Variants in DST observed in about 807,000 individuals in gnomAD.
DST encodes bullous pemphigoid antigen.
Under a neutral mutation model 875.2 loss-of-function variants are expected in DST, and 253 were observed. The ratio of observed to expected loss-of-function variants is 0.29; its 90% CI spans 0.26 to 0.32. The LOEUF (loss-of-function observed/expected upper bound fraction) is 0.32. Among genes scored for constraint, DST ranks in the 10% least tolerant of loss-of-function variants. The pLI, the probability that DST is intolerant of heterozygous loss-of-function variation, is 1.00. For missense variants in DST, 8,287 were observed against 9,111.6 expected, an observed-to-expected ratio of 0.91 and a Z score of 3.68; for synonymous variants, 3,124 against 3,197.1, an observed-to-expected ratio of 0.98 and a Z score of 0.77.
At chr6:56,618,323 T>A (rs1283288203) in intron 36 of DST, 1 of 1,613,982 alleles carries the variant, frequency 6.2e-7, no homozygotes, top group Non-Finnish European at 8.5e-7. Context: ...GGGTGTTGGG[T>A]GAAGGTGTCC....
chr6:56,858,623 A>G (rs1472842306), intron 3 of DST, among the ~76,000 whole-genome samples: 1 of 152,198 alleles, frequency 6.6e-6, no homozygotes, highest in Non-Finnish European at 1.5e-5. Flanking sequence ...TATCTTGACT[A>G]TCATGAATAA....
intron 89 of DST, 87 bp downstream of exon 89, chr6:56,482,596 G>T: frequency 7.5e-7 from 1 of 1,340,302 alleles, no homozygotes; most frequent in Non-Finnish European, 1.0e-6. Context: ...GAGACACGAG[G>T]GCCTCACAAT....
At chr6:56,777,195 T>G (rs565117142) in intron 4 of DST, among the ~76,000 whole-genome samples, 2 of 152,220 alleles carry the variant, frequency 1.3e-5, no homozygotes, top group South Asian at 4.1e-4. Flanking sequence ...CATTTATGTT[T>G]AAGGCAATCC....
rs772119653 is a variant in DST, at chr6:56,606,427, T to C, written c.8201A>G (p.Glu2734Gly). ...GSERECTNIL[E>G]GDESDSLTDY... ...AGTCAATGAGTCAGATTCATCACCTTCAAGGATATTTGTGCATTCCCTTTC... is the reference window on the plus strand; with the variant it reads ...AGTCAATGAGTCAGATTCATCACCTCCAAGGATATTTGTGCATTCCCTTTC... The change falls in exon 40 of 104, where the codon GAA becomes GGA. Residue 2734 changes from glutamate (E) to glycine (G), a missense_variant. This residue lies in a region of DST where 3,138 missense variants were observed against 3,116.6 expected (regional missense o/e 1.01). Transcript: ENST00000680361. 6.2e-7 allele frequency: 1 copy of C among 1,613,438 alleles called. No homozygotes were observed. Among genetic ancestry groups the C allele is most frequent in the Non-Finnish European group, 8.5e-7 (1 of 1,179,580 alleles).
intron 49 of DST, among the ~76,000 whole-genome samples, chr6:56,586,960 A>G (rs1297719952): frequency 6.6e-6 from 1 of 152,206 alleles, no homozygotes; most frequent in African/African-American, 2.4e-5. Context: ...AAAGATGGGG[A>G]AAAAACAGAG....
chr6:56,841,703 G>C (rs2099800234), intron 4 of DST, among the ~76,000 whole-genome samples: 1 of 152,096 alleles, frequency 6.6e-6, no homozygotes, highest in Non-Finnish European at 1.5e-5. Context: ...ATAGAGCACA[G>C]ATGTATTTCT....
intron 50 of DST, among the ~76,000 whole-genome samples, chr6:56,575,215 G>A (rs1362860371): frequency 6.6e-6 from 1 of 152,124 alleles, no homozygotes; most frequent in Non-Finnish European, 1.5e-5. Context: ...AGTTGGGGGA[G>A]AGGGGTGGGA....
intron 6 of DST, 38 bp downstream of exon 6, chr6:56,704,242 C>A (rs746090514): frequency 9.2e-7 from 1 of 1,084,252 alleles, no homozygotes; most frequent in South Asian, 1.5e-5. Context: ...GAAAAGATTA[C>A]ACGTTCTTCA....
chr6:56,875,992 T>C (rs1330452620), intron 3 of DST, among the ~76,000 whole-genome samples: 2 of 152,144 alleles, frequency 1.3e-5, no homozygotes, highest in Non-Finnish European at 2.9e-5. Flanking sequence ...ACTGCTTGCC[T>C]TACCTTAATC....
intron 103 of DST, 74 bp from the exon 104 acceptor site, chr6:56,459,341 C>A: frequency 8.3e-6 from 12 of 1,450,768 alleles, no homozygotes; most frequent in Non-Finnish European, 1.1e-5. Context: ...AACCCGATGC[C>A]ACCTTTAATC....
At chr6:56,677,714 C>T (rs750231476) in intron 9 of DST, among the ~76,000 whole-genome samples, 4 of 152,168 alleles carry the variant, frequency 2.6e-5, no homozygotes, top group Non-Finnish European at 5.9e-5. Flanking sequence ...GAGTTCCTTT[C>T]AGAAACTTGA....
chr6:56,634,662 A>T (rs1462105702), intron 25 of DST, 46 bp from the exon 26 acceptor site: 1 of 1,611,870 alleles, frequency 6.2e-7, no homozygotes, highest in Admixed American at 1.7e-5. Context: ...GTCACTGTTA[A>T]CTGTTTTCCA....
intron 9 of DST, among the ~76,000 whole-genome samples, chr6:56,674,837 C>T (rs2099120481): frequency 6.6e-6 from 1 of 152,138 alleles, no homozygotes; most frequent in Admixed American, 6.5e-5. Context: ...CCATACTAGC[C>T]AAAGCAATCT....
intron 64 of DST, among the ~76,000 whole-genome samples, chr6:56,532,075 A>G (rs113443648): frequency 5.3e-5 from 8 of 152,182 alleles, no homozygotes; most frequent in Admixed American, 2.0e-4. Context: ...TGCCTGATGC[A>G]TGGTAAGCAG....
At chr6:56,729,555 C>A (rs1322373637) in intron 5 of DST, among the ~76,000 whole-genome samples, 2 of 149,308 alleles carry the variant, frequency 1.3e-5, no homozygotes, top group African/African-American at 5.0e-5. Context: ...TGCGGTGAGC[C>A]GAGATCGCAC....
intron 3 of DST, among the ~76,000 whole-genome samples, chr6:56,880,382 C>T (rs1004763869): frequency 6.6e-6 from 1 of 152,166 alleles, no homozygotes; most frequent in Non-Finnish European, 1.5e-5. Flanking sequence ...CATTTTAGTA[C>T]GTTTCTTAGA....
At chr6:56,716,355 G>A (rs764910202) in intron 5 of DST, among the ~76,000 whole-genome samples, 36 of 152,214 alleles carry the variant, frequency 2.4e-4, no homozygotes, top group Non-Finnish European at 3.5e-4. Context: ...ATATCCTTAC[G>A]CAAAATCATT....
intron 4 of DST, among the ~76,000 whole-genome samples, chr6:56,778,800 T>G (rs1330896406): frequency 2.6e-5 from 4 of 152,066 alleles, no homozygotes; most frequent in African/African-American, 9.7e-5. Context: ...ACATTTGGCT[T>G]GGTTCCAAGT....
chr6:56,811,963 G>A (rs1172415962), intron 4 of DST, among the ~76,000 whole-genome samples: 7 of 151,544 alleles, frequency 4.6e-5, no homozygotes, highest in African/African-American at 7.3e-5. Context: ...TTAGCCAGGC[G>A]TAGTGGAGCA....
Sources: gnomAD v4.1 joint callset for allele counts (sites outside exome capture counted in the v4.1 genomes callset) on GRCh38, gnomAD v4.1.1 for gene constraint, gnomAD v4.1.1 regional missense constraint, MANE v1.5 for transcripts, NCBI Gene and HGNC (gene_info 2026-07-23, HGNC 2026-07-21) for gene names.